SF3B1: variants seen among roughly 807,000 people sequenced by gnomAD.
SF3B1 encodes pre-mRNA processing 10.
Under a neutral mutation model 153.8 loss-of-function variants are expected in SF3B1, and 12 were observed. That is an observed-to-expected ratio of 0.08 (90% CI 0.05 to 0.13). The LOEUF is 0.13. SF3B1 is among the 10% of genes least tolerant of loss of function. The pLI is 1.00. For missense variants in SF3B1, 513 were observed against 1,606.1 expected (o/e 0.32, Z 11.63); for synonymous variants, 498 against 525.2 (o/e 0.95, Z 0.71).
chr2:197,418,335 GAA>G (rs2085188406), intron 5 of SF3B1, among the ~76,000 whole-genome samples, 172 bp downstream of exon 5: 2 of 143,256 alleles, frequency 1.4e-5, no homozygotes, highest in African/African-American at 5.1e-5. Context: ...ATATAGAAAT[GAA>G]AAGTTTTACT....
At chr2:197,404,754 A>G (rs2084971743) in intron 11 of SF3B1, 1 of 177,334 alleles carries the variant, frequency 5.6e-6, no homozygotes, top group African/African-American at 2.4e-5. Context: ...AAGGCTTTCT[A>G]AATAACCTTT....
chr2:197,421,284 T>G, intron 2 of SF3B1, 151 bp from the exon 3 acceptor site: 2 of 536,746 alleles, frequency 3.7e-6, no homozygotes, highest in South Asian at 5.1e-5. Context: ...ACAATTGGTC[T>G]TCTTTCACTT....
intron 4 of SF3B1, chr2:197,418,930 C>T: frequency 6.2e-7 from 1 of 1,601,394 alleles, no homozygotes. Flanking sequence ...GCAGTTCTGA[C>T]TTCAAGCAGC....
intron 1 of SF3B1, 94 bp downstream of exon 1, chr2:197,434,878 G>T: frequency 7.1e-7 from 1 of 1,401,772 alleles, no homozygotes; most frequent in Non-Finnish European, 1.0e-6. Context: ...CAGCTCCTAC[G>T]AAAGAAACCA....
chr2:197,403,985 C>T (rs1357758158), intron 11 of SF3B1, among the ~76,000 whole-genome samples: 3 of 152,136 alleles, frequency 2.0e-5, no homozygotes, highest in African/African-American at 4.8e-5. Flanking sequence ...TTTAATAGAA[C>T]GAACCACAGA....
At position 197,401,331 on chromosome 2, in the gene SF3B1, T is replaced by G; in HGVS notation, c.2496+69A>C. ...TCAAGGCAAAAAATAATATACAACA[T>G]GCATTCAAGTTGACTAAAGAATGAG... On this transcript the variant is annotated intron_variant, in intron 17 of 24. Coordinates refer to ENST00000335508, the MANE Select transcript of SF3B1 (RefSeq NM_012433.4). This position sits in a 1 kb window ranked among gnomAD's most constrained non-coding sequence, Gnocchi z 4.2. The G allele has an allele frequency of 1.5e-6, 2 of 1,347,404 alleles. No individual in the cohort carries two copies. The highest frequency in any genetic ancestry group is 2.1e-6 in the Non-Finnish European group (2 of 972,478). The allele number at this position is 1,347,404 out of a possible 1,614,324, so 83.5% of individuals were successfully genotyped here.
rs1405177311 is a variant in SF3B1, at chr2:197,400,200, A to C, written c.2902-34T>G. 5.0e-6 allele frequency: 8 copies of C among 1,607,390 alleles called. No homozygotes were observed. The Admixed American group carries it at 5.0e-5, about 10-fold the overall frequency. On this transcript the variant is annotated intron_variant, in intron 19 of 24. Transcript: ENST00000335508. The surrounding 1 kb of genome is among the most constrained non-coding windows in gnomAD (Gnocchi z 5.0). ...AAACAAATAATGTTAAAATGTTACTATTTACATTAAACTATTTGGGGAAGA... is the reference window on the plus strand; with the variant it reads ...AAACAAATAATGTTAAAATGTTACTCTTTACATTAAACTATTTGGGGAAGA...
In SF3B1 at chr2:197,405,073, T is replaced by C. The variant is rs754840681; in HGVS notation, c.1539+3A>G. 3 of 1,559,670 alleles carry C rather than the reference T, an allele frequency of 1.9e-6. No individual in the cohort carries two copies. The highest frequency in any genetic ancestry group is 2.2e-5 in the East Asian group (1 of 44,574). On this transcript the variant is annotated splice_donor_region_variant and intron_variant, in intron 11 of 24. Transcript: ENST00000335508. ...CATGACAATTTAACAAACTGGGACT[T>C]ACCTTTCTCATTGGTGGTGTTCCAT...
At chr2:197,433,810 C>T (rs1313915918) in intron 1 of SF3B1, among the ~76,000 whole-genome samples, 1 of 152,196 alleles carries the variant, frequency 6.6e-6, no homozygotes, top group Admixed American at 6.6e-5. Flanking sequence ...CGATTCAATA[C>T]CTTGTTACAA....
intron 9 of SF3B1, 96 bp downstream of exon 9, chr2:197,407,902 A>C: frequency 9.3e-7 from 1 of 1,071,982 alleles, no homozygotes; most frequent in Non-Finnish European, 1.4e-6. Flanking sequence ...ACAATAGTAA[A>C]TTTGGGCAAA....
intron 23 of SF3B1, among the ~76,000 whole-genome samples, chr2:197,394,642 A>C (rs1019743342): frequency 6.6e-6 from 1 of 152,238 alleles, no homozygotes; most frequent in Non-Finnish European, 1.5e-5. Context: ...ACGGTGGCTC[A>C]CGCCTGTAAT....
chr2:197,398,424 G>A (rs767848433), intron 21 of SF3B1, 37 bp downstream of exon 21: 3 of 1,609,124 alleles, frequency 1.9e-6, no homozygotes, highest in Non-Finnish European at 2.5e-6. Context: ...TTTGAAAATT[G>A]ATACTGCTTA....
At chr2:197,397,789 T>A (rs1281111883) in intron 22 of SF3B1, among the ~76,000 whole-genome samples, 196 bp downstream of exon 22, 3 of 148,162 alleles carry the variant, frequency 2.0e-5, no homozygotes, top group Non-Finnish European at 3.0e-5. Context: ...AGAGCGAGAC[T>A]CCGTCTCAAA....
intron 9 of SF3B1, among the ~76,000 whole-genome samples, chr2:197,406,310 C>T (rs999441745): frequency 2.0e-5 from 3 of 151,970 alleles, no homozygotes; most frequent in East Asian, 1.9e-4. Flanking sequence ...AACCTATACA[C>T]GTCTTCTCCA....
Position 197,391,388 on chromosome 2 carries a change from C to T in SF3B1, c.*915G>A, listed in dbSNP as rs186228625. On this transcript the variant is annotated 3_prime_UTR_variant, in exon 25 of 25. Coordinates refer to ENST00000335508, the MANE Select transcript of SF3B1 (RefSeq NM_012433.4). ...AAAGGTAGAGGGCAGGTCTCATGCACCTTTGCATCCCCTGCATATAAGCAC... is the reference window on the plus strand; with the variant it reads ...AAAGGTAGAGGGCAGGTCTCATGCATCTTTGCATCCCCTGCATATAAGCAC... 3.9e-5 allele frequency: 6 copies of T among 152,220 alleles called. No individual in the cohort carries two copies. Among genetic ancestry groups the T allele is most frequent in the Middle Eastern group, 3.2e-3 (1 of 316 alleles). The allele number at this position is 152,220 out of a possible 1,614,324, so 9.4% of individuals were successfully genotyped here. A position where few individuals can be genotyped will look rare whatever the true frequency, so the allele number is the denominator to read the frequency against.
In SF3B1 at chr2:197,389,846, A is replaced by G. The variant is rs2084791352; in HGVS notation, c.*2457T>C. 1 of 152,202 alleles carries G rather than the reference A, an allele frequency of 6.6e-6. No homozygotes were observed. Among genetic ancestry groups the G allele is most frequent in the African/African-American group, 2.4e-5 (1 of 41,440 alleles). 9.4% of individuals were successfully genotyped at this position (152,202 alleles called of 1,614,324 possible). ...GGTGCTCACAGGGCACTGTACAACA[A>G]ATTTTAAAAATACAATATGAAAAAA... is the stretch of plus-strand genomic sequence containing the variant. On this transcript the variant is annotated 3_prime_UTR_variant, in exon 25 of 25. Transcript: ENST00000335508.
At chr2:197,409,173 G>A (rs1273845494) in intron 7 of SF3B1, among the ~76,000 whole-genome samples, 1 of 152,062 alleles carries the variant, frequency 6.6e-6, no homozygotes. Flanking sequence ...GCCGAGGGGG[G>A]CAGATCATCT....
Position 197,403,767 on chromosome 2 carries a change from G to A in SF3B1, c.1540-3C>T. On this transcript the variant is annotated splice_region_variant and splice_polypyrimidine_tract_variant and intron_variant, in intron 11 of 24. Transcript: ENST00000335508. Reference sequence around the variant, plus strand: ...TCAGTAATCTGACGCAATGCAGCCTGGGAAAAAGAGCAGAGTAATAGGTGT... The same window carrying A: ...TCAGTAATCTGACGCAATGCAGCCTAGGAAAAAGAGCAGAGTAATAGGTGT... 1.3e-6 allele frequency: 2 copies of A among 1,572,660 alleles called. No individual in the cohort carries two copies. The highest frequency in any genetic ancestry group is 2.3e-5 in the East Asian group (1 of 42,564).
rs775623976 is a variant in SF3B1 at position 197,402,760 on chromosome 2, G to T, written c.1873C>A (p.Arg625Ser). The T allele has an allele frequency of 6.2e-7, 1 of 1,613,940 alleles. No homozygotes were observed. The highest frequency in any genetic ancestry group is 1.1e-5 in the South Asian group (1 of 91,060). ...PDIDNMDEYV[R>S]NTTARAFAVV... is the part of the protein sequence containing the mutation. ...GCAAAAGCTCTAGCTGTTGTGTTAC[G>T]GACATACTCATCCATGTTATCTATA... is the stretch of plus-strand genomic sequence containing the variant. Residue 625 changes from arginine to serine, a missense_variant, in exon 14 of 25, where the codon CGT becomes AGT. Arg to Ser is a moderately radical substitution (Grantham distance 110, BLOSUM62 -1). This residue lies in a region of SF3B1 where 11 missense variants were observed against 16.2 expected (regional missense o/e 0.68). Coordinates refer to ENST00000335508, the MANE Select transcript of SF3B1 (RefSeq NM_012433.4). The surrounding 1 kb of genome is among the most constrained non-coding windows in gnomAD (Gnocchi z 4.6).
Sources: allele counts gnomAD v4.1 joint callset (sites outside exome capture counted in the v4.1 genomes callset), GRCh38; gene constraint gnomAD v4.1.1; regional missense constraint gnomAD v4.1.1; non-coding constraint Gnocchi (gnomAD v3.1); transcripts MANE v1.5; gene names NCBI Gene and HGNC (gene_info 2026-07-23, HGNC 2026-07-21).